CLASP1: variants seen among roughly 807,000 people sequenced by gnomAD.
The protein encoded by CLASP1 is CLIP-associating protein 1.
CLASP1 carries 38 observed loss-of-function variants against 192.3 expected under a neutral mutation model. That is an observed-to-expected ratio of 0.20 (90% CI 0.15 to 0.26). The LOEUF (loss-of-function observed/expected upper bound fraction) is 0.26, where lower values mean the gene tolerates loss of function less well. Among genes scored for constraint, CLASP1 ranks in the 10% least tolerant of loss-of-function variants. The probability of loss-of-function intolerance (pLI) is 1.00; values close to 1 mark genes in which losing one functional copy is unlikely to be tolerated. For synonymous variants in CLASP1, 691 were observed against 712.8 expected, an observed-to-expected ratio of 0.97 and a Z score of 0.49; for missense variants, 1,433 against 1,932.5, an observed-to-expected ratio of 0.74 and a Z score of 4.85.
At chr2:121,466,716 G>A (rs975942346) in intron 9 of CLASP1, among the ~76,000 whole-genome samples, 4 of 152,194 alleles carry the variant, frequency 2.6e-5, no homozygotes, top group Non-Finnish European at 4.4e-5. Flanking sequence ...GAATTTATGG[G>A]AGAAATCTCC....
rs550238804 is a variant in CLASP1, at chr2:121,639,194, G to A, written c.-286+10178C>T. Among the ~76,000 whole-genome samples, 113 of 151,940 alleles carry A rather than the reference G, an allele frequency of 7.4e-4. 1 individual carries two copies. Among genetic ancestry groups the A allele is most frequent in the Middle Eastern group, 3.4e-3 (1 of 294 alleles). ...CGGGAGGCTGAGGCAGGAGAATGGC[G>A]TGAACCCGGGAGGCAGAGCTTGCAG... On this transcript the variant is annotated intron_variant, in intron 1 of 39. Coordinates refer to ENST00000263710, the Ensembl canonical transcript of CLASP1.
chr2:121,366,992 T>C (rs985493896), intron 35 of CLASP1, among the ~76,000 whole-genome samples: 5 of 152,220 alleles, frequency 3.3e-5, no homozygotes, highest in African/African-American at 9.6e-5. Context: ...TGGGCAAATC[T>C]TTCTGACCCC....
At chr2:121,402,967 G>C (rs776452590) in intron 26 of CLASP1, among the ~76,000 whole-genome samples, 13 of 152,104 alleles carry the variant, frequency 8.5e-5, no homozygotes, top group Non-Finnish European at 1.6e-4. Context: ...AAGTAACTGC[G>C]ATTACAGGTG....
chr2:121,607,894 T>G (rs1292671225), intron 1 of CLASP1, among the ~76,000 whole-genome samples: 3 of 152,140 alleles, frequency 2.0e-5, no homozygotes, highest in Non-Finnish European at 2.9e-5. Flanking sequence ...ATCATATACA[T>G]CAAGTCATTC....
At chr2:121,473,064 C>T (rs1030255775) in intron 8 of CLASP1, among the ~76,000 whole-genome samples, 2 of 152,080 alleles carry the variant, frequency 1.3e-5, no homozygotes, top group African/African-American at 2.4e-5. Context: ...AATTCCTTCA[C>T]TATGTACAGA....
At chr2:121,644,372 G>A (rs906432025) in intron 1 of CLASP1, among the ~76,000 whole-genome samples, 6 of 151,532 alleles carry the variant, frequency 4.0e-5, no homozygotes, top group Admixed American at 6.6e-5. Flanking sequence ...AACAATGGCC[G>A]GGGGCAGTGG....
intron 2 of CLASP1, among the ~76,000 whole-genome samples, chr2:121,561,448 C>T (rs1020775288): frequency 6.6e-5 from 10 of 152,106 alleles, no homozygotes; most frequent in Non-Finnish European, 1.5e-4. Context: ...CATACGATCA[C>T]TATTAGAAAA....
chr2:121,440,819 GAAA>G (rs11338192), intron 19 of CLASP1, among the ~76,000 whole-genome samples: 1 of 132,134 alleles, frequency 7.6e-6, no homozygotes. Flanking sequence ...ACAAGTAACA[GAAA>G]AAAAAAAAAA....
chr2:121,426,998 T>G (rs2149613456), intron 21 of CLASP1, among the ~76,000 whole-genome samples: 1 of 151,902 alleles, frequency 6.6e-6, no homozygotes, highest in Non-Finnish European at 1.5e-5. Context: ...ACCTGTAAAT[T>G]TATATGTGTG....
intron 1 of CLASP1, among the ~76,000 whole-genome samples, chr2:121,615,523 G>A (rs1485222443): frequency 1.3e-5 from 2 of 151,954 alleles, no homozygotes; most frequent in African/African-American, 4.8e-5. Context: ...CAGGTCGGGT[G>A]CGGTGGCTCA....
At chr2:121,350,694 T>C (rs115996953) in intron 37 of CLASP1, among the ~76,000 whole-genome samples, 2,067 of 152,272 alleles carry the variant, frequency 0.014, 43 homozygotes, top group African/African-American at 0.046. Flanking sequence ...ATGGACACGT[T>C]TGGGGCCAGC....
intron 16 of CLASP1, among the ~76,000 whole-genome samples, chr2:121,449,935 C>CA (rs1410673045): frequency 2.6e-5 from 4 of 151,662 alleles, no homozygotes; most frequent in East Asian, 3.9e-4. Flanking sequence ...AGAGTAAATT[C>CA]AAAAAAAATC....
At chr2:121,644,162 A>T (rs2072675705) in intron 1 of CLASP1, among the ~76,000 whole-genome samples, 1 of 152,132 alleles carries the variant, frequency 6.6e-6, no homozygotes, top group Non-Finnish European at 1.5e-5. Flanking sequence ...CATTTTACAG[A>T]TGAAGACACT....
At chr2:121,531,324 G>C (rs914423085) in intron 2 of CLASP1, among the ~76,000 whole-genome samples, 5 of 152,132 alleles carry the variant, frequency 3.3e-5, no homozygotes, top group African/African-American at 1.2e-4. Flanking sequence ...GGTCGGGCGC[G>C]GTGGCTCACG....
At position 121,448,256 on chromosome 2, in the gene CLASP1, T is replaced by G. The variant is rs1559235664; in HGVS notation, c.1741+20A>C. Reference sequence around the variant, plus strand: ...CCACCAGAGCGGAGAACAGGCCTTCTCCACGGCTGTCAGTCTCACCTCTAG... The same window carrying G: ...CCACCAGAGCGGAGAACAGGCCTTCGCCACGGCTGTCAGTCTCACCTCTAG... On this transcript the variant is annotated intron_variant, in intron 18 of 39. Coordinates refer to ENST00000263710, the Ensembl canonical transcript of CLASP1. 6.2e-7 allele frequency: 1 copy of G among 1,611,306 alleles called. No individual in the cohort carries two copies. The highest frequency in any genetic ancestry group is 8.5e-7 in the Non-Finnish European group (1 of 1,177,392).
At chr2:121,543,750 T>C (rs2095278010) in intron 2 of CLASP1, among the ~76,000 whole-genome samples, 1 of 152,130 alleles carries the variant, frequency 6.6e-6, no homozygotes. Context: ...ATCTCCTTTA[T>C]ATGCATACTA....
chr2:121,380,017 A>G (rs1249326087), intron 33 of CLASP1, among the ~76,000 whole-genome samples: 2 of 152,216 alleles, frequency 1.3e-5, no homozygotes, highest in African/African-American at 4.8e-5. Context: ...GGTTTGAAGT[A>G]TCTCCTTGGT....
At chr2:121,517,723 T>A (rs556135127) in intron 6 of CLASP1, among the ~76,000 whole-genome samples, 1 of 151,696 alleles carries the variant, frequency 6.6e-6, no homozygotes, top group African/African-American at 2.4e-5. Context: ...GCTGGGCCAG[T>A]TGGTACTCAG....
intron 24 of CLASP1, 162 bp downstream of exon 25, chr2:121,410,704 G>C (rs953233931): frequency 5.5e-6 from 3 of 545,664 alleles, no homozygotes; most frequent in Admixed American, 7.4e-5. Context: ...AAAGTTTAAG[G>C]GGCAAACAAT....
Sources: allele counts gnomAD v4.1 joint callset (sites outside exome capture counted in the v4.1 genomes callset), GRCh38; gene constraint gnomAD v4.1.1; transcripts MANE v1.5; gene names NCBI Gene and HGNC (gene_info 2026-07-23, HGNC 2026-07-21).